Variants in C5orf34 observed in about 807,000 individuals in gnomAD.
C5orf34 encodes the protein chromosome 5 open reading frame 34, also known as uncharacterized protein C5orf34.
A neutral mutation model predicts 78.4 loss-of-function variants in C5orf34; 73 were observed. The ratio of observed to expected loss-of-function variants is 0.93; its 90% CI spans 0.77 to 1.13. C5orf34 has a LOEUF of 1.13. Among genes scored for constraint, C5orf34 ranks in the 50% most tolerant of loss-of-function variants. C5orf34 has a pLI of 0.00. For missense variants in C5orf34, 730 were observed against 732.7 expected, an observed-to-expected ratio of 1.00 and a Z score of 0.04; for synonymous variants, 251 against 246.6, an observed-to-expected ratio of 1.02 and a Z score of -0.17.
intron 10 of C5orf34, 97 bp downstream of exon 10, chr5:43,492,118 C>T (rs1745309910): frequency 5.8e-6 from 4 of 693,386 alleles, no homozygotes; most frequent in Admixed American, 3.2e-5. Flanking sequence ...CATGGAAAAA[C>T]TAAAAATATA....
At position 43,496,538 on chromosome 5, in the gene C5orf34, T is replaced by C. The variant is rs1439320753; in HGVS notation, c.1153-1937A>G. On this transcript the variant is annotated intron_variant, in intron 6 of 12. Transcript: ENST00000306862. ...GAAAAAAAAGCCATTTTCCCATTTT[T>C]TAAAAATATAGAATTACTCCTATTC... is the stretch of plus-strand genomic sequence containing the variant. 1.3e-5 allele frequency: 15 copies of C among 1,190,764 alleles called. No homozygotes were observed. The South Asian group carries it at 1.8e-4, about 15-fold the overall frequency. The allele number at this position is 1,190,764 out of a possible 1,614,324, so 73.8% of individuals were successfully genotyped here.
intron 1 of C5orf34, among the ~76,000 whole-genome samples, chr5:43,512,089 T>C (rs6885679): frequency 0.49 from 73,118 of 150,658 alleles, 18,550 homozygotes; most frequent in Middle Eastern, 0.63. Context: ...TAGCTAGCTA[T>C]AAGTCTCAGG....
intron 7 of C5orf34, among the ~76,000 whole-genome samples, chr5:43,493,890 G>A (rs1203394120): frequency 6.6e-6 from 1 of 152,014 alleles, no homozygotes; most frequent in Non-Finnish European, 1.5e-5. Context: ...TTTTTAAGAG[G>A]TGATAGATTC....
chr5:43,499,353 G>C (rs937471390), intron 6 of C5orf34, among the ~76,000 whole-genome samples: 1 of 152,106 alleles, frequency 6.6e-6, no homozygotes, highest in African/African-American at 2.4e-5. Flanking sequence ...TTTCCTTCAG[G>C]AGTTGTTTCT....
At chr5:43,490,020 A>C (rs549867903) in intron 11 of C5orf34, among the ~76,000 whole-genome samples, 2 of 152,260 alleles carry the variant, frequency 1.3e-5, no homozygotes, top group African/African-American at 4.8e-5. Context: ...AATAGATAGC[A>C]TATGTTCCAT....
At chr5:43,504,841 C>T (rs1002480886) in intron 4 of C5orf34, among the ~76,000 whole-genome samples, 18 of 152,270 alleles carry the variant, frequency 1.2e-4, no homozygotes, top group African/African-American at 2.6e-4. Flanking sequence ...GATGTGTACT[C>T]GTAATACTTT....
intron 2 of C5orf34, 148 bp from the exon 3 acceptor site, chr5:43,508,814 C>G: frequency 3.1e-6 from 2 of 639,644 alleles, no homozygotes; most frequent in Non-Finnish European, 5.5e-6. Flanking sequence ...GTAGTTTTGG[C>G]CAGGCACGGT....
At chr5:43,496,352 C>T (rs898638488) in intron 6 of C5orf34, 219 of 1,590,564 alleles carry the variant, frequency 1.4e-4, no homozygotes, top group African/African-American at 3.5e-4. Context: ...GTTCTTTTGT[C>T]GATGCCACCA....
intron 1 of C5orf34, among the ~76,000 whole-genome samples, chr5:43,511,751 A>T (rs1355809530): frequency 6.6e-6 from 1 of 152,164 alleles, no homozygotes; most frequent in Non-Finnish European, 1.5e-5. Flanking sequence ...GCTCTCTGAA[A>T]CATGTGCTGT....
chr5:43,496,281 C>A, intron 6 of C5orf34: 2 of 1,586,106 alleles, frequency 1.3e-6, no homozygotes, highest in Non-Finnish European at 8.6e-7. Context: ...TATGCAAGAC[C>A]CAGGCATACT....
intron 6 of C5orf34, among the ~76,000 whole-genome samples, chr5:43,499,963 G>A (rs1479352696): frequency 1.3e-5 from 2 of 152,148 alleles, no homozygotes; most frequent in East Asian, 3.8e-4. Flanking sequence ...TTGAACACGT[G>A]CAAATATTTC....
chr5:43,489,651 G>A (rs985667705), intron 11 of C5orf34, among the ~76,000 whole-genome samples: 4 of 152,160 alleles, frequency 2.6e-5, no homozygotes, highest in Non-Finnish European at 4.4e-5. Context: ...GCTAAAGGAT[G>A]AGGGATCTGC....
In C5orf34 at chr5:43,493,572, G is replaced by A. The variant is rs1449167304; in HGVS notation, c.1285C>T (p.His429Tyr). 1 of 1,577,612 alleles carries A rather than the reference G, an allele frequency of 6.3e-7. No individual in the cohort carries two copies. The highest frequency in any genetic ancestry group is 2.3e-5 in the East Asian group (1 of 43,682). ...HCVKMRLSLS[H>Y]NYRICCWKMV... ...TTCCAGCAGCATATACGATAGTTAT[G>A]GCTTAAAGAAAGTCTCATCTTCACA... Residue 429 changes from histidine to tyrosine, a missense_variant, in exon 8 of 13, where the codon CAT (histidine) becomes TAT (tyrosine). Transcript: ENST00000306862.
intron 1 of C5orf34, 43 bp from the exon 2 acceptor site, chr5:43,509,418 AT>A: frequency 2.5e-6 from 3 of 1,183,934 alleles, no homozygotes; most frequent in Non-Finnish European, 3.5e-6. Context: ...AGTTCTCTTA[AT>A]GTACAAAACT....
chr5:43,493,486 G>A, intron 8 of C5orf34, 57 bp downstream of exon 8: 1 of 1,025,438 alleles, frequency 9.8e-7, no homozygotes, highest in South Asian at 1.4e-5. Context: ...CAGAAGTATG[G>A]ATATAAACAA....
At chr5:43,487,496 G>A (rs1285774587) in intron 12 of C5orf34, among the ~76,000 whole-genome samples, 1 of 151,988 alleles carries the variant, frequency 6.6e-6, no homozygotes, top group Non-Finnish European at 1.5e-5. Flanking sequence ...AAACCTGTTC[G>A]CTATAGAACT....
chr5:43,511,772 G>A (rs1048657763), intron 1 of C5orf34, among the ~76,000 whole-genome samples: 5 of 152,086 alleles, frequency 3.3e-5, no homozygotes, highest in Admixed American at 2.6e-4. Flanking sequence ...GTCCACTCAG[G>A]GTTAAATGGA....
At chr5:43,510,440 T>TC (rs1746175786) in intron 1 of C5orf34, among the ~76,000 whole-genome samples, 1 of 152,112 alleles carries the variant, frequency 6.6e-6, no homozygotes, top group African/African-American at 2.4e-5. Context: ...CCTCTCCCTC[T>TC]CCCCACGGTC....
intron 10 of C5orf34, among the ~76,000 whole-genome samples, chr5:43,491,959 G>A (rs945677233): frequency 6.7e-6 from 1 of 148,796 alleles, no homozygotes; most frequent in Non-Finnish European, 1.5e-5. Flanking sequence ...AGCCGAGATC[G>A]TGCCATTGTA....
Sources: gnomAD v4.1 joint callset for allele counts (sites outside exome capture counted in the v4.1 genomes callset) on GRCh38, gnomAD v4.1.1 for gene constraint, MANE v1.5 for transcripts, NCBI Gene and HGNC (gene_info 2026-07-23, HGNC 2026-07-21) for gene names.